The following COBL variants were observed in gnomAD, a reference collection of about 807,000 sequenced individuals.
COBL encodes cordon-bleu WH2 repeat protein.
COBL carries 51 observed loss-of-function variants against 98.8 expected under a neutral mutation model. The ratio of observed to expected loss-of-function variants is 0.52; its 90% CI spans 0.41 to 0.65. COBL has a LOEUF of 0.65. Ranked by LOEUF, COBL falls within the 30% of genes least tolerant of loss-of-function variation. The pLI, the probability that COBL is intolerant of heterozygous loss-of-function variation, is 0.00. For missense variants in COBL, 1,617 were observed against 1,617.5 expected (o/e 1.00, Z 0.01); for synonymous variants, 634 against 651.7 (o/e 0.97, Z 0.41).
At chr7:51,312,495 C>T (rs1180906033) in intron 1 of COBL, among the ~76,000 whole-genome samples, 1 of 152,136 alleles carries the variant, frequency 6.6e-6, no homozygotes, top group Non-Finnish European at 1.5e-5. Context: ...AACTGCAGAT[C>T]AATTACAAAA....
In COBL at chr7:51,026,550, C is replaced by T. The variant is rs1224372854; in HGVS notation, c.3500G>A (p.Arg1167Lys). The change falls in exon 11 of 13, where the codon AGG becomes AAG. Residue 1167 changes from arginine to lysine, a missense_variant. By Grantham distance (26) the Arg-to-Lys change is conservative (BLOSUM62 2). Coordinates refer to ENST00000265136, the MANE Select transcript of COBL (RefSeq NM_015198.5). ...GGAAGGCCCTTCACCTCTTACCTTC[C>T]TCAGGCTGCAGGTGCCGCTGTGCCC... ...IRGHSGTCSL[R>K]KVASSASEEL... 6.2e-7 allele frequency: 1 copy of T among 1,613,988 alleles called. No individual in the cohort carries two copies. The highest frequency in any genetic ancestry group is 1.1e-5 in the South Asian group (1 of 91,078).
At chr7:51,224,932 G>C (rs994506537) in intron 1 of COBL, among the ~76,000 whole-genome samples, 1 of 150,040 alleles carries the variant, frequency 6.7e-6, no homozygotes, top group Non-Finnish European at 1.5e-5. Context: ...CTGTGCGTGT[G>C]GGCGGCCCGT....
chr7:51,220,588 C>T (rs1284612962), intron 1 of COBL, among the ~76,000 whole-genome samples: 1 of 152,178 alleles, frequency 6.6e-6, no homozygotes, highest in Non-Finnish European at 1.5e-5. Flanking sequence ...GCTTCAAATG[C>T]TCAATTCACC....
rs570340025 is a variant in COBL, at chr7:51,045,227, C to A, written c.1097-1535G>T. On this transcript the variant is annotated intron_variant, in intron 7 of 12. Transcript: ENST00000265136. ...TCTATGTTGTATATAAAAAGTATGA[C>A]AAGAGTAAAACTCTCAGGTCACAGA... Among the ~76,000 whole-genome samples, 3 of 152,306 alleles carry A rather than the reference C, an allele frequency of 2.0e-5. No individual in the cohort carries two copies. In the East Asian group the frequency reaches 5.8e-4, roughly 29 times the overall value.
At chr7:51,229,884 G>A (rs1794579354) in intron 1 of COBL, among the ~76,000 whole-genome samples, 1 of 152,158 alleles carries the variant, frequency 6.6e-6, no homozygotes, top group South Asian at 2.1e-4. Context: ...CGGGCTCCCA[G>A]CTCCTGTCCA....
rs532387988 is a variant in COBL, at chr7:51,291,220, G to A, written c.41+25373C>T. ...TGAGGCACACAGACACACAAGGGGTGTCTGAGTGACCAGAAGATACAGACA... is the reference window on the plus strand; with the variant it reads ...TGAGGCACACAGACACACAAGGGGTATCTGAGTGACCAGAAGATACAGACA... On this transcript the variant is annotated intron_variant, in intron 1 of 12. Transcript: ENST00000265136. 3.3e-4 allele frequency among the ~76,000 whole-genome samples: 50 copies of A among 152,326 alleles called. 1 individual carries two copies. In the South Asian group the frequency reaches 9.5e-3, roughly 29 times the overall value.
intron 1 of COBL, among the ~76,000 whole-genome samples, chr7:51,241,618 G>A (rs1167563668): frequency 6.6e-6 from 1 of 152,240 alleles, no homozygotes; most frequent in African/African-American, 2.4e-5. Context: ...TGGAAGAGCA[G>A]TTTGATGAAA....
intron 1 of COBL, among the ~76,000 whole-genome samples, chr7:51,313,364 C>G (rs138015120): frequency 1.0e-3 from 153 of 152,300 alleles, no homozygotes; most frequent in African/African-American, 3.5e-3. Context: ...ACCGACAGGA[C>G]TAGAGTAGCT....
chr7:51,220,641 G>A (rs1255918858), intron 1 of COBL, among the ~76,000 whole-genome samples: 1 of 152,140 alleles, frequency 6.6e-6, no homozygotes, highest in Non-Finnish European at 1.5e-5. Context: ...CCCACACTGA[G>A]GAACATTTTC....
chr7:51,066,360 C>T (rs1791924287), intron 7 of COBL, among the ~76,000 whole-genome samples: 2 of 152,158 alleles, frequency 1.3e-5, no homozygotes, highest in South Asian at 2.1e-4. Flanking sequence ...CCTCTGTGGA[C>T]ACAGGGAATG....
intron 8 of COBL, 146 bp from the exon 9 acceptor site, chr7:51,031,055 A>G: frequency 1.6e-6 from 1 of 638,876 alleles, no homozygotes; most frequent in South Asian, 1.9e-5. Flanking sequence ...CCTCAGAACT[A>G]CGGAGACGCA....
In COBL at chr7:51,224,475, G is replaced by A. The variant is rs77804759; in HGVS notation, c.42-4531C>T. On this transcript the variant is annotated intron_variant, in intron 1 of 12. Coordinates refer to ENST00000265136, the MANE Select transcript of COBL (RefSeq NM_015198.5). ...CCACCCTAACACCCTAGCCGAGGTG[G>A]CCTTGAACAGTCTTAAAGATGAGCA... Among the ~76,000 whole-genome samples, 1,241 of 152,112 alleles carry A rather than the reference G, an allele frequency of 8.2e-3. 60 individuals are homozygous for A. In the South Asian group the frequency reaches 0.13, roughly 16 times the overall value.
intron 12 of COBL, among the ~76,000 whole-genome samples, chr7:51,018,905 A>AAAAAAAAAAT (rs1554345519): frequency 2.9e-5 from 1 of 34,446 alleles, no homozygotes. Flanking sequence ...AAAAAAAAAA[A>AAAAAAAAAAT]ATATATATAT....
intron 4 of COBL, among the ~76,000 whole-genome samples, 180 bp from the exon 5 acceptor site, chr7:51,184,379 T>C (rs1384846657): frequency 6.6e-6 from 1 of 152,216 alleles, no homozygotes; most frequent in Non-Finnish European, 1.5e-5. Flanking sequence ...TCAGGTCCAT[T>C]TGGGAAATCA....
chr7:51,163,253 C>T (rs7792847), intron 5 of COBL, among the ~76,000 whole-genome samples: 3 of 152,302 alleles, frequency 2.0e-5, no homozygotes, highest in Admixed American at 6.5e-5. Flanking sequence ...GTAAAAACAA[C>T]GGCAGAGTGC....
chr7:51,288,595 A>AT (rs1800593749), intron 1 of COBL, among the ~76,000 whole-genome samples: 1 of 151,830 alleles, frequency 6.6e-6, no homozygotes, highest in Non-Finnish European at 1.5e-5. Flanking sequence ...TCTACTAAAA[A>AT]TACAGTAATT....
At chr7:51,308,362 C>T (rs909249352) in intron 1 of COBL, among the ~76,000 whole-genome samples, 1 of 152,166 alleles carries the variant, frequency 6.6e-6, no homozygotes, top group African/African-American at 2.4e-5. Context: ...TGCTGCTTTG[C>T]CAAGTGCTGG....
intron 7 of COBL, chr7:51,065,336 G>A (rs771342281): frequency 1.1e-5 from 8 of 703,516 alleles, no homozygotes; most frequent in African/African-American, 3.5e-5. Context: ...TCAGGATTGT[G>A]TAGAGAACTG....
chr7:51,251,026 G>A (rs868396047), intron 1 of COBL, among the ~76,000 whole-genome samples: 28 of 152,274 alleles, frequency 1.8e-4, no homozygotes, highest in African/African-American at 6.7e-4. Flanking sequence ...TGACCTATTT[G>A]TGATGATTTT....
Sources: gnomAD v4.1 joint callset for allele counts (sites outside exome capture counted in the v4.1 genomes callset) on GRCh38, gnomAD v4.1.1 for gene constraint, MANE v1.5 for transcripts, NCBI Gene and HGNC (gene_info 2026-07-23, HGNC 2026-07-21) for gene names.